KCNT2: variants seen among roughly 807,000 people sequenced by gnomAD.
The protein encoded by KCNT2 is potassium sodium-activated channel subfamily T member 2.
A neutral mutation model predicts 153.8 loss-of-function variants in KCNT2; 67 were observed. The observed-to-expected ratio is 0.44, with a 90% CI of 0.36 to 0.53. The LOEUF (loss-of-function observed/expected upper bound fraction) is 0.53, where lower values mean the gene tolerates loss of function less well. Ranked by LOEUF, KCNT2 falls within the 20% of genes least tolerant of loss-of-function variation. The pLI, the probability that KCNT2 is intolerant of heterozygous loss-of-function variation, is 0.00. For synonymous variants in KCNT2, 500 were observed against 458.8 expected, an observed-to-expected ratio of 1.09 and a Z score of -1.15; for missense variants, 975 against 1,354.8, an observed-to-expected ratio of 0.72 and a Z score of 4.40.
intron 19 of KCNT2, among the ~76,000 whole-genome samples, chr1:196,322,769 G>A (rs1663453124): frequency 6.6e-6 from 1 of 151,830 alleles, no homozygotes; most frequent in Admixed American, 6.6e-5. Flanking sequence ...ATGCTTTTAT[G>A]AGCACAGTTT....
chr1:196,484,889 C>T (rs950606499), intron 3 of KCNT2, among the ~76,000 whole-genome samples: 1 of 151,998 alleles, frequency 6.6e-6, no homozygotes, highest in East Asian at 1.9e-4. Context: ...AACAGTACGG[C>T]GATTCCTCAA....
At chr1:196,450,252 T>C (rs1377740953) in intron 8 of KCNT2, among the ~76,000 whole-genome samples, 4 of 151,870 alleles carry the variant, frequency 2.6e-5, no homozygotes, top group Non-Finnish European at 5.9e-5. Flanking sequence ...TAAAGGTTTT[T>C]GTTTTGTTTT....
rs544812561 is a variant in KCNT2 at position 196,305,108 on chromosome 1, C to A, written c.2595+126G>T. 4.1e-5 allele frequency: 26 copies of A among 639,714 alleles called. No homozygotes were observed. In the African/African-American group the frequency reaches 4.1e-4, roughly 10 times the overall value. The allele number at this position is 639,714 out of a possible 1,614,324, so 39.6% of individuals were successfully genotyped here. The stretch of plus-strand genomic sequence containing the variant: ...AAAATTATCAATTAGAATTTCATCT[C>A]CCAAATAAAAATTCAAAACAGCATT... On this transcript the variant is annotated intron_variant, in intron 22 of 27. Transcript: ENST00000294725.
chr1:196,538,484 T>C (rs1205201948), intron 1 of KCNT2, among the ~76,000 whole-genome samples: 2 of 152,196 alleles, frequency 1.3e-5, no homozygotes, highest in African/African-American at 4.8e-5. Context: ...AAAGCCAGCC[T>C]GGATGCAAGT....
chr1:196,358,327 C>G (rs1667341691), intron 14 of KCNT2, among the ~76,000 whole-genome samples: 2 of 151,602 alleles, frequency 1.3e-5, no homozygotes, highest in African/African-American at 4.8e-5. Context: ...CTGTTTGAAT[C>G]TTGCTGGGAA....
chr1:196,415,384 A>C (rs541619451), intron 12 of KCNT2, among the ~76,000 whole-genome samples: 1 of 151,802 alleles, frequency 6.6e-6, no homozygotes, highest in Non-Finnish European at 1.5e-5. Context: ...CCTAAGAAAC[A>C]ATATATTACA....
intron 13 of KCNT2, among the ~76,000 whole-genome samples, chr1:196,374,535 C>T (rs1419728622): frequency 1.3e-5 from 2 of 151,658 alleles, no homozygotes; most frequent in African/African-American, 4.8e-5. Context: ...ATCTCTCTCC[C>T]CACACCCACT....
chr1:196,435,866 T>A (rs550625537), intron 8 of KCNT2, among the ~76,000 whole-genome samples: 3 of 151,858 alleles, frequency 2.0e-5, no homozygotes, highest in East Asian at 3.9e-4. Flanking sequence ...CTTGTTTTTA[T>A]GTAAAAAGTC....
intron 1 of KCNT2, among the ~76,000 whole-genome samples, chr1:196,497,003 A>G (rs1433240547): frequency 1.3e-5 from 2 of 152,236 alleles, no homozygotes; most frequent in African/African-American, 2.4e-5. Context: ...TATTTAAGGA[A>G]CTACTGCATT....
intron 12 of KCNT2, among the ~76,000 whole-genome samples, chr1:196,411,650 T>A (rs1672349258): frequency 6.6e-6 from 1 of 151,716 alleles, no homozygotes. Context: ...GGTAAAAGAG[T>A]TATTTTCTGA....
intron 1 of KCNT2, among the ~76,000 whole-genome samples, chr1:196,516,377 T>C (rs1019680562): frequency 6.6e-6 from 1 of 152,118 alleles, no homozygotes; most frequent in African/African-American, 2.4e-5. Flanking sequence ...AGACTGCTTT[T>C]TCACACGAGT....
intron 25 of KCNT2, among the ~76,000 whole-genome samples, chr1:196,259,241 G>A (rs1188783339): frequency 6.6e-6 from 1 of 152,018 alleles, no homozygotes; most frequent in Non-Finnish European, 1.5e-5. Context: ...GAAAAACAAT[G>A]AACAAACTCA....
At chr1:196,304,573 C>G (rs962048850) in intron 22 of KCNT2, among the ~76,000 whole-genome samples, 5 of 152,060 alleles carry the variant, frequency 3.3e-5, no homozygotes, top group African/African-American at 7.2e-5. Flanking sequence ...ACATCTAATT[C>G]TCTCAGTACA....
At chr1:196,518,841 C>T (rs12140034) in intron 1 of KCNT2, among the ~76,000 whole-genome samples, 3 of 152,024 alleles carry the variant, frequency 2.0e-5, no homozygotes, top group Admixed American at 1.3e-4. Flanking sequence ...AAAATAATAG[C>T]GGGAGACATC....
chr1:196,435,523 A>T (rs1572441090), intron 8 of KCNT2, among the ~76,000 whole-genome samples: 1 of 151,652 alleles, frequency 6.6e-6, no homozygotes, highest in Non-Finnish European at 1.5e-5. Flanking sequence ...CCAATATAAG[A>T]TATATTTATT....
chr1:196,366,434 C>T lies in KCNT2; in HGVS notation c.1403+6706G>A, dbSNP rs537689964. Among the ~76,000 whole-genome samples, 3 of 152,260 alleles carry T rather than the reference C, an allele frequency of 2.0e-5. No individual in the cohort carries two copies. The East Asian group carries it at 5.8e-4, about 30-fold the overall frequency. On this transcript the variant is annotated intron_variant, in intron 14 of 27. Coordinates refer to ENST00000294725, the MANE Select transcript of KCNT2 (RefSeq NM_198503.5). ...TCGGCCTCCCAAAGTGCTGGGATTACAGGCGTGAGCCACCACACCCGGCTT... is the reference window on the plus strand; with the variant it reads ...TCGGCCTCCCAAAGTGCTGGGATTATAGGCGTGAGCCACCACACCCGGCTT...
chr1:196,554,523 CT>C (rs1306460054), intron 1 of KCNT2, among the ~76,000 whole-genome samples: 1 of 150,684 alleles, frequency 6.6e-6, no homozygotes, highest in East Asian at 2.0e-4. Context: ...CAAGAAAATC[CT>C]TTGACCCCAT....
intron 13 of KCNT2, among the ~76,000 whole-genome samples, chr1:196,381,396 C>G (rs186544769): frequency 3.2e-4 from 49 of 151,954 alleles, no homozygotes; most frequent in Admixed American, 1.4e-3. Context: ...ATCGAAGATA[C>G]TTACTGAAGC....
intron 22 of KCNT2, among the ~76,000 whole-genome samples, chr1:196,286,653 A>T (rs1379640203): frequency 1.3e-5 from 2 of 151,520 alleles, no homozygotes; most frequent in Non-Finnish European, 2.9e-5. Flanking sequence ...ACACACACAC[A>T]CACACACACA....
Sources: gnomAD v4.1 joint callset for allele counts (sites outside exome capture counted in the v4.1 genomes callset) on GRCh38, gnomAD v4.1.1 for gene constraint, MANE v1.5 for transcripts, NCBI Gene and HGNC (gene_info 2026-07-23, HGNC 2026-07-21) for gene names.